The following PCDHGA2 variants were observed in gnomAD, a reference collection of about 807,000 sequenced individuals.
PCDHGA2 encodes protocadherin gamma-A2.
Under a neutral mutation model 59.2 loss-of-function variants are expected in PCDHGA2, and 40 were observed. The ratio of observed to expected loss-of-function variants is 0.68; its 90% CI spans 0.52 to 0.88. The LOEUF is 0.88. Among genes scored for constraint, PCDHGA2 ranks in the 40% least tolerant of loss-of-function variants. The probability of loss-of-function intolerance (pLI) is 0.00; values close to 1 mark genes in which losing one functional copy is unlikely to be tolerated. For missense variants in PCDHGA2, 1,226 were observed against 1,204.0 expected (o/e 1.02, Z -0.27); for synonymous variants, 560 against 526.0 (o/e 1.06, Z -0.89).
Position 141,432,028 on chromosome 5 carries a change from C to T in PCDHGA2, c.2425-62779C>T, listed in dbSNP as rs776543767. ...TTCCTAGCTACAACATCACAGTGAC[C>T]GCCACTGACCGGGGAACCCCGCCCC... On this transcript the variant is annotated intron_variant, in intron 1 of 3. Coordinates refer to ENST00000394576, the MANE Select transcript of PCDHGA2 (RefSeq NM_018915.4). The surrounding 1 kb of genome is among the most constrained non-coding windows in gnomAD (Gnocchi z 6.0). The T allele has an allele frequency of 1.1e-5, 18 of 1,614,050 alleles. No individual in the cohort carries two copies. The highest frequency in any genetic ancestry group is 9.9e-5 in the South Asian group (9 of 91,090).
At chr5:141,423,225 C>T (rs763729316) in intron 1 of PCDHGA2, 3 of 1,613,804 alleles carry the variant, frequency 1.9e-6, no homozygotes, top group South Asian at 1.1e-5. Context: ...TGGCTGTGGC[C>T]GACAGCATCC....
At chr5:141,427,733 C>T (rs2097062553) in intron 1 of PCDHGA2, 2 of 1,200,562 alleles carry the variant, frequency 1.7e-6, no homozygotes, top group East Asian at 4.7e-5. Context: ...GGCTGAATGG[C>T]CAAGTCTCCT....
intron 1 of PCDHGA2, chr5:141,377,804 G>A (rs1588845842): frequency 6.6e-6 from 1 of 152,230 alleles, no homozygotes; most frequent in Middle Eastern, 3.4e-3. Flanking sequence ...GTAACTATCT[G>A]TTATTTACTT....
intron 1 of PCDHGA2, among the ~76,000 whole-genome samples, chr5:141,449,588 CAAAAAAAA>C (rs768743917): frequency 1.7e-5 from 1 of 57,492 alleles, no homozygotes; most frequent in South Asian, 6.3e-4. Context: ...GACTCTGTCT[CAAAAAAAA>C]AAAAAAAAAA....
At chr5:141,459,319 T>G (rs1270005431) in intron 1 of PCDHGA2, among the ~76,000 whole-genome samples, 1 of 152,216 alleles carries the variant, frequency 6.6e-6, no homozygotes, top group Non-Finnish European at 1.5e-5. Context: ...TTTGTATCCA[T>G]CTTCTTTTAC....
chr5:141,465,385 C>T (rs752724696), intron 1 of PCDHGA2, among the ~76,000 whole-genome samples: 3 of 151,978 alleles, frequency 2.0e-5, no homozygotes, highest in Admixed American at 6.6e-5. Context: ...AGATTAGGAA[C>T]AAAAACAAGT....
At chr5:141,464,407 A>C (rs996561936) in intron 1 of PCDHGA2, among the ~76,000 whole-genome samples, 1 of 151,544 alleles carries the variant, frequency 6.6e-6, no homozygotes, top group Non-Finnish European at 1.5e-5. Flanking sequence ...CCTGAGATAT[A>C]TATATATCTA....
intron 1 of PCDHGA2, chr5:141,422,903 A>G (rs1444530801): frequency 1.9e-6 from 3 of 1,614,036 alleles, no homozygotes; most frequent in African/African-American, 2.7e-5. Context: ...CAGAACGACA[A>G]TGCGCCCGAG....
At position 141,366,541 on chromosome 5, in the gene PCDHGA2, C is replaced by T. The variant is rs558446486; in HGVS notation, c.2424+25146C>T. 62 of 1,614,270 alleles carry T rather than the reference C, an allele frequency of 3.8e-5. No homozygotes were observed. In the South Asian group the frequency reaches 6.5e-4, roughly 17 times the overall value. ...GCAGCAGGTTGGCGGGTGTGCCCGC[C>T]TCGCACTTTGTGGGCGTGGATGGGG... On this transcript the variant is annotated intron_variant, in intron 1 of 3. Transcript: ENST00000394576.
chr5:141,389,843 G>A lies in PCDHGA2; in HGVS notation c.2424+48448G>A, dbSNP rs372102656. On this transcript the variant is annotated intron_variant, in intron 1 of 3. Transcript: ENST00000394576. ...GTGACGGTGGACAGCCACCACTCTC[G>A]GCCACTGCCACGTTGCACCTGGTCT... is the stretch of plus-strand genomic sequence containing the variant. The A allele has an allele frequency of 3.7e-6, 6 of 1,613,898 alleles. 1 individual carries two copies. The highest frequency in any genetic ancestry group is 2.7e-5 in the African/African-American group (2 of 74,948).
chr5:141,501,621 A>T (rs1348614977), intron 2 of PCDHGA2, among the ~76,000 whole-genome samples: 1 of 152,100 alleles, frequency 6.6e-6, no homozygotes, highest in Non-Finnish European at 1.5e-5. Context: ...ACTCTGGTAT[A>T]GTCTCTCAAC....
rs184178455 is a variant in PCDHGA2 at position 141,428,574 on chromosome 5, T to C, written c.2425-66233T>C. ...CAGTCCCCCCACAAGATCTTTCTAA[T>C]GAAGTTTCTCTGGTAGCAAGCTTCA... is the stretch of plus-strand genomic sequence containing the variant. On this transcript the variant is annotated intron_variant, in intron 1 of 3. Transcript: ENST00000394576. 1.8e-3 allele frequency: 416 copies of C among 229,070 alleles called. 3 individuals are homozygous for C. The highest frequency in any genetic ancestry group is 2.8e-3 in the Non-Finnish European group (314 of 113,918). The allele number at this position is 229,070 out of a possible 1,614,324, so 14.2% of individuals were successfully genotyped here. A position where few individuals can be genotyped will look rare whatever the true frequency, so the allele number is the denominator to read the frequency against.
chr5:141,340,812 C>A lies in PCDHGA2; in HGVS notation c.1841C>A (p.Pro614Gln), dbSNP rs144923915. The A allele has an allele frequency of 1.3e-5, 21 of 1,613,626 alleles. No homozygotes were observed. The African/African-American group carries it at 2.0e-4, about 15-fold the overall frequency. The change falls in exon 1 of 4, where the codon CCG becomes CAG. Residue 614 changes from proline to glutamine, a missense_variant. Transcript: ENST00000394576. ...LSYHLLKASE[P>Q]GLFSVGLHTG... ...TACCACCTGCTCAAGGCCAGCGAGC[C>A]GGGACTCTTCTCGGTGGGTCTGCAC...
chr5:141,390,246 C>T (rs1401463493), intron 1 of PCDHGA2: 5 of 1,613,922 alleles, frequency 3.1e-6, no homozygotes, highest in African/African-American at 1.3e-5. Context: ...GGCCTTATTT[C>T]CACTTTGTAA....
chr5:141,433,221 A>G, intron 1 of PCDHGA2: 1 of 1,475,672 alleles, frequency 6.8e-7, no homozygotes, highest in African/African-American at 1.4e-5. Context: ...TTTTTTTTTT[A>G]ATTGCTCTGT....
chr5:141,340,177 C>T lies in PCDHGA2; in HGVS notation c.1206C>T (p.Tyr402=), dbSNP rs1459415373. 1.2e-6 allele frequency: 2 copies of T among 1,614,050 alleles called. No homozygotes were observed. Among genetic ancestry groups the T allele is most frequent in the Non-Finnish European group, 1.7e-6 (2 of 1,180,004 alleles). ...FKLEKSVDNY[Y]RLVTTRALDR... ...TAGAAAAGTCAGTAGACAATTACTACCGACTGGTTACAACCAGAGCCCTTG... is the reference window on the plus strand; with the variant it reads ...TAGAAAAGTCAGTAGACAATTACTATCGACTGGTTACAACCAGAGCCCTTG... Residue 402 remains tyrosine (Y), a synonymous_variant, in exon 1 of 4, where the codon TAC becomes TAT. Transcript: ENST00000394576.
chr5:141,370,449 C>G, intron 1 of PCDHGA2: 1 of 1,608,694 alleles, frequency 6.2e-7, no homozygotes, highest in East Asian at 2.2e-5. Flanking sequence ...AATGCTATTT[C>G]TCTTCCTGCT....
chr5:141,467,063 T>C (rs1405374001), intron 1 of PCDHGA2, among the ~76,000 whole-genome samples: 2 of 151,716 alleles, frequency 1.3e-5, no homozygotes, highest in African/African-American at 2.4e-5. Flanking sequence ...TTCTTTTTTT[T>C]TTTTTTTTAG....
At chr5:141,383,378 C>G (rs753458256) in intron 1 of PCDHGA2, 1 of 1,614,002 alleles carries the variant, frequency 6.2e-7, no homozygotes, top group Non-Finnish European at 8.5e-7. Context: ...GCTGGGGATC[C>G]AGATGTGGGC....
Sources: gnomAD v4.1 joint callset for allele counts (sites outside exome capture counted in the v4.1 genomes callset) on GRCh38, gnomAD v4.1.1 for gene constraint, Gnocchi (gnomAD v3.1) non-coding constraint, MANE v1.5 for transcripts, NCBI Gene and HGNC (gene_info 2026-07-23, HGNC 2026-07-21) for gene names.